The following ABCC6 variants were observed in gnomAD, a reference collection of about 807,000 sequenced individuals.
ABCC6 encodes the protein ATP-binding cassette sub-family C member 6.
A neutral mutation model predicts 169.5 loss-of-function variants in ABCC6; 126 were observed. The ratio of observed to expected loss-of-function variants is 0.74; its 90% CI spans 0.64 to 0.86. The LOEUF (loss-of-function observed/expected upper bound fraction) is 0.86, where lower values mean the gene tolerates loss of function less well. ABCC6 is among the 40% of genes least tolerant of loss of function. The pLI is 0.00. For synonymous variants in ABCC6, 752 were observed against 814.7 expected (o/e 0.92, Z 1.31); for missense variants, 1,733 against 1,927.2 (o/e 0.90, Z 1.89).
Position 16,155,014 on chromosome 16 carries a change from C to T in ABCC6, c.3900G>A (p.Arg1300=), listed in dbSNP as rs1344046914. The T allele has an allele frequency of 9.6e-6, 15 of 1,559,682 alleles. No individual in the cohort carries two copies. The highest frequency in any genetic ancestry group is 1.3e-5 in the Non-Finnish European group (15 of 1,152,540). ...CCAGGGAGGACTTCCCTGCCCCGGT[C>T]CTGCCAACGATGCCCACCTGCCCGG... ...HAGEKVGIVG[R]TGAGKSSLAS... Residue 1300 remains arginine, a synonymous_variant, in exon 28 of 31, where the codon AGG becomes AGA. Coordinates refer to ENST00000205557, the MANE Select transcript of ABCC6 (RefSeq NM_001171.6).
chr16:16,190,742 C>T (rs1233271855), intron 11 of ABCC6, among the ~76,000 whole-genome samples: 1 of 150,850 alleles, frequency 6.6e-6, no homozygotes, highest in East Asian at 1.9e-4. Context: ...CTATGTTGCC[C>T]AGGTTGGCCT....
At chr16:16,169,568 A>AG in intron 22 of ABCC6, 78 bp downstream of exon 22, 1 of 1,521,666 alleles carries the variant, frequency 6.6e-7, no homozygotes, top group Admixed American at 1.8e-5. Context: ...TGACCCAGGG[A>AG]GGGGTGGGGT....
chr16:16,204,768 C>T (rs1395941791), intron 7 of ABCC6, among the ~76,000 whole-genome samples: 1 of 152,058 alleles, frequency 6.6e-6, no homozygotes, highest in African/African-American at 2.4e-5. Context: ...TGGGTGTGGT[C>T]CCCTGCTGAG....
intron 23 of ABCC6, among the ~76,000 whole-genome samples, chr16:16,164,543 G>A (rs1384164826): frequency 2.6e-5 from 4 of 152,050 alleles, no homozygotes; most frequent in African/African-American, 9.7e-5. Context: ...ACCTTCCCTG[G>A]GATTAATATA....
rs374776435 is a variant in ABCC6 at position 16,161,579 on chromosome 16, G to A, written c.3507-15C>T. 7.9e-5 allele frequency: 127 copies of A among 1,613,682 alleles called. 1 individual carries two copies. In the African/African-American group the frequency reaches 1.2e-3, roughly 15 times the overall value. ...CCGCAAGCCACCTGCAAAGGGAAGC[G>A]ACAGCAGGGTGAGTGGTTACTCTCA... is the stretch of plus-strand genomic sequence containing the variant. On this transcript the variant is annotated splice_polypyrimidine_tract_variant and intron_variant, in intron 24 of 30. Coordinates refer to ENST00000205557, the MANE Select transcript of ABCC6 (RefSeq NM_001171.6).
Position 16,190,356 on chromosome 16 carries a change from C to T in ABCC6, c.1443G>A (p.Met481Ile). The T allele has an allele frequency of 1.9e-6, 3 of 1,614,178 alleles. No homozygotes were observed. The highest frequency in any genetic ancestry group is 1.7e-6 in the Non-Finnish European group (2 of 1,180,040). Residue 481 changes from methionine to isoleucine, a missense_variant, in exon 12 of 31, where the codon ATG becomes ATA. Physicochemically the swap from Met to Ile is conservative, Grantham distance 10. Coordinates refer to ENST00000205557, the MANE Select transcript of ABCC6 (RefSeq NM_001171.6). ...KKRNHHQEEQ[M>I]RQKDSRARLT... The stretch of plus-strand genomic sequence containing the variant: ...GCCGTGCCCGTGAGTCCTTCTGCCT[C>T]ATTTGCTCCTCCTGGGATCGGAGGG...
intron 29 of ABCC6, among the ~76,000 whole-genome samples, chr16:16,152,566 T>C (rs926036106): frequency 3.3e-5 from 5 of 152,122 alleles, no homozygotes; most frequent in Admixed American, 3.3e-4. Flanking sequence ...TATTTACTCT[T>C]TGCTCTATGC....
intron 17 of ABCC6, 68 bp downstream of exon 17, chr16:16,182,344 G>T: frequency 6.3e-7 from 1 of 1,580,232 alleles, no homozygotes; most frequent in East Asian, 2.2e-5. Context: ...TGCCCATGAT[G>T]AGTCGGGGAC....
rs1386272017 is a variant in ABCC6 at position 16,221,879 on chromosome 16, C to A, written c.37-48G>T. ...CTTAGGATGGTACAAGGCAGGGGTC[C>A]CCAGCTCACCTGCCCAGGGGGCCAG... On this transcript the variant is annotated intron_variant, in intron 1 of 30. Coordinates refer to ENST00000205557, the MANE Select transcript of ABCC6 (RefSeq NM_001171.6). The A allele has an allele frequency of 3.7e-6, 6 of 1,611,980 alleles. No individual in the cohort carries two copies. In the East Asian group the frequency reaches 1.1e-4, roughly 30 times the overall value.
At chr16:16,164,068 C>A (rs370091543) in intron 23 of ABCC6, among the ~76,000 whole-genome samples, 1 of 152,116 alleles carries the variant, frequency 6.6e-6, no homozygotes, top group African/African-American at 2.4e-5. Flanking sequence ...GAGTCTCTCT[C>A]TGTCACCCAG....
intron 11 of ABCC6, 115 bp from the exon 12 acceptor site, chr16:16,190,482 C>G: frequency 8.7e-7 from 1 of 1,149,760 alleles, no homozygotes; most frequent in East Asian, 2.5e-5. Context: ...GCGTCCCAAA[C>G]CTGTCTGCCT....
intron 25 of ABCC6, 92 bp downstream of exon 25, chr16:16,161,346 G>A: frequency 6.3e-7 from 1 of 1,585,600 alleles, no homozygotes; most frequent in Non-Finnish European, 8.6e-7. Flanking sequence ...TGTTGGTTTG[G>A]ACACAGGGTC....
At position 16,185,020 on chromosome 16, in the gene ABCC6, A is replaced by T; in HGVS notation, c.1882T>A (p.Cys628Ser). 1 of 1,613,658 alleles carries T rather than the reference A, an allele frequency of 6.2e-7. No individual in the cohort carries two copies. Among genetic ancestry groups the T allele is most frequent in the East Asian group, 2.2e-5 (1 of 44,868 alleles). Residue 628 changes from cysteine (C) to serine (S), a missense_variant, in exon 15 of 31, where the codon TGC (cysteine) becomes AGC (serine). Transcript: ENST00000205557. ...SSSGSAAGKD[C>S]ITIHSATFAW... The stretch of plus-strand genomic sequence containing the variant: ...AAGGTGGCACTGTGTATGGTGATGC[A>T]ATCCTTCCCGGCAGCTGCAGGGCAC...
intron 22 of ABCC6, among the ~76,000 whole-genome samples, chr16:16,166,755 G>T (rs897221037): frequency 6.6e-6 from 1 of 152,098 alleles, no homozygotes; most frequent in African/African-American, 2.4e-5. Context: ...GCTGGGCGTG[G>T]TGGCAGGCAC....
chr16:16,170,410 T>C (rs1340579790), intron 21 of ABCC6, among the ~76,000 whole-genome samples: 1 of 152,080 alleles, frequency 6.6e-6, no homozygotes, highest in Non-Finnish European at 1.5e-5. Context: ...AGAAGGGTTT[T>C]CTTGAACACC....
At chr16:16,155,498 A>G (rs527498431) in intron 27 of ABCC6, 13 of 179,702 alleles carry the variant, frequency 7.2e-5, no homozygotes, top group African/African-American at 2.8e-4. Context: ...TCATCTGTCT[A>G]TCCGTCTCTC....
intron 25 of ABCC6, among the ~76,000 whole-genome samples, chr16:16,160,886 G>T (rs142901988): frequency 3.3e-5 from 5 of 152,172 alleles, no homozygotes; most frequent in African/African-American, 1.2e-4. Flanking sequence ...AAATGCTTAT[G>T]AGTGTATATA....
chr16:16,152,751 G>C (rs994540314), intron 29 of ABCC6, among the ~76,000 whole-genome samples: 3 of 151,386 alleles, frequency 2.0e-5, no homozygotes, highest in Non-Finnish European at 2.9e-5. Context: ...TGGGGGGCCT[G>C]GATTTGAGCC....
intron 17 of ABCC6, among the ~76,000 whole-genome samples, chr16:16,180,829 C>T (rs73524024): frequency 0.025 from 3,780 of 152,238 alleles, 81 homozygotes; most frequent in African/African-American, 0.054. Flanking sequence ...CACTAATAAC[C>T]ACTGCCTCGT....
Sources: allele counts gnomAD v4.1 joint callset (sites outside exome capture counted in the v4.1 genomes callset), GRCh38; gene constraint gnomAD v4.1.1; transcripts MANE v1.5; gene names NCBI Gene and HGNC (gene_info 2026-07-23, HGNC 2026-07-21).